Variants in SLC22A14 observed in about 807,000 individuals in gnomAD.
The protein encoded by SLC22A14 is organic cation transporter-like 4.
Under a neutral mutation model 53.9 loss-of-function variants are expected in SLC22A14, and 50 were observed. The ratio of observed to expected loss-of-function variants is 0.93; its 90% CI spans 0.74 to 1.17. SLC22A14 has a LOEUF of 1.17. Among genes scored for constraint, SLC22A14 ranks in the 50% most tolerant of loss-of-function variants. The probability of loss-of-function intolerance (pLI) is 0.00; values close to 1 mark genes in which losing one functional copy is unlikely to be tolerated. For missense variants in SLC22A14, 671 were observed against 734.7 expected, an observed-to-expected ratio of 0.91 and a Z score of 1.00; for synonymous variants, 312 against 303.0, an observed-to-expected ratio of 1.03 and a Z score of -0.31.
intron 1 of SLC22A14, among the ~76,000 whole-genome samples, chr3:38,301,537 G>A (rs552787516): frequency 5.9e-5 from 9 of 152,188 alleles, no homozygotes; most frequent in South Asian, 2.1e-4. Context: ...CACATTATAC[G>A]CAGCTACCTT....
At chr3:38,288,823 GTA>G (rs796512866) in intron 1 of SLC22A14, among the ~76,000 whole-genome samples, 65 of 152,092 alleles carry the variant, frequency 4.3e-4, no homozygotes, top group African/African-American at 1.5e-3. Flanking sequence ...ATTAAAAATG[GTA>G]TCTTTTAAAG....
At chr3:38,312,946 G>C in intron 5 of SLC22A14, 53 bp from the exon 6 acceptor site, 1 of 1,560,324 alleles carries the variant, frequency 6.4e-7, no homozygotes, top group African/African-American at 1.3e-5. Flanking sequence ...GGGCCAGCAG[G>C]GGGTCTCTGG....
At chr3:38,312,382 C>T (rs549227076) in intron 5 of SLC22A14, among the ~76,000 whole-genome samples, 1 of 152,320 alleles carries the variant, frequency 6.6e-6, no homozygotes, top group Admixed American at 6.5e-5. Context: ...TTATGCCAAT[C>T]TGTGTGGATT....
In SLC22A14 at chr3:38,307,477, G is replaced by A; in HGVS notation, c.621-89G>A. 1 of 1,576,532 alleles carries A rather than the reference G, an allele frequency of 6.3e-7. No homozygotes were observed. Among genetic ancestry groups the A allele is most frequent in the Non-Finnish European group, 8.7e-7 (1 of 1,149,678 alleles). ...GGTAGGGGTTCTCCAGGGACCCATG[G>A]ATGGCTCAGGGCCTGGCCCAGGTGT... On this transcript the variant is annotated intron_variant, in intron 3 of 10. Coordinates refer to ENST00000448498, the MANE Select transcript of SLC22A14 (RefSeq NM_001320033.2). The surrounding 1 kb of genome is among the most constrained non-coding windows in gnomAD (Gnocchi z 4.4).
At chr3:38,280,106 G>A (rs182595943), upstream of SLC22A14, among the ~76,000 whole-genome samples, 37 of 152,252 alleles carry the variant, frequency 2.4e-4, no homozygotes, top group African/African-American at 7.7e-4. Flanking sequence ...CACTCCCCCC[G>A]TACCTGCCCA....
chr3:38,299,487 T>G (rs6785726), intron 1 of SLC22A14, among the ~76,000 whole-genome samples: 9,779 of 152,324 alleles, frequency 0.064, 379 homozygotes, highest in East Asian at 0.16. Flanking sequence ...TTTTGCTTTC[T>G]TCACTTACCA....
upstream of SLC22A14, among the ~76,000 whole-genome samples, chr3:38,279,088 C>T (rs989236413): frequency 5.9e-5 from 9 of 152,256 alleles, no homozygotes; most frequent in South Asian, 4.1e-4. Context: ...CGGGGTTGGG[C>T]GTAGATGCTG....
At chr3:38,298,740 G>A (rs890644203) in intron 1 of SLC22A14, among the ~76,000 whole-genome samples, 2 of 152,118 alleles carry the variant, frequency 1.3e-5, no homozygotes, top group African/African-American at 2.4e-5. Flanking sequence ...TTTTTTAGTA[G>A]AGACAGGGTT....
rs200705301 is a variant in SLC22A14, at chr3:38,315,691, G to A, written c.1512G>A (p.Glu504=). 4 of 1,613,968 alleles carry A rather than the reference G, an allele frequency of 2.5e-6. No individual in the cohort carries two copies. Among genetic ancestry groups the A allele is most frequent in the African/African-American group, 1.3e-5 (1 of 75,054 alleles). ...CTGTGTTCTTCCTCTACACCGCTGA[G>A]CTCCTCCCCACTGTGCTCAGGTATG... ...TVTVFFLYTA[E]LLPTVLRATG... is the part of the protein sequence containing the mutation. Residue 504 remains glutamate, a synonymous_variant, in exon 9 of 11, where the codon GAG becomes GAA. Transcript: ENST00000448498.
intron 1 of SLC22A14, among the ~76,000 whole-genome samples, chr3:38,302,094 C>T (rs567002287): frequency 6.6e-6 from 1 of 150,482 alleles, no homozygotes; most frequent in Admixed American, 6.6e-5. Flanking sequence ...ATTAGCCAGG[C>T]GTGGTGGTGC....
At chr3:38,298,439 T>TA (rs954905464) in intron 1 of SLC22A14, among the ~76,000 whole-genome samples, 3 of 151,846 alleles carry the variant, frequency 2.0e-5, no homozygotes, top group Admixed American at 2.0e-4. Context: ...TCTATCTATC[T>TA]ATCTATCTAT....
At chr3:38,288,866 A>C (rs1200735979) in intron 1 of SLC22A14, among the ~76,000 whole-genome samples, 1 of 152,124 alleles carries the variant, frequency 6.6e-6, no homozygotes, top group East Asian at 1.9e-4. Context: ...TCTTAGTTTG[A>C]AATGATTTTA....
chr3:38,317,041 G>C (rs1386641500), intron 10 of SLC22A14, among the ~76,000 whole-genome samples: 1 of 152,252 alleles, frequency 6.6e-6, no homozygotes, highest in Non-Finnish European at 1.5e-5. Flanking sequence ...GGCACTTCCG[G>C]CCTCTGATCT....
intron 2 of SLC22A14, 46 bp downstream of exon 2, chr3:38,306,588 G>A (rs772222596): frequency 1.9e-6 from 3 of 1,542,014 alleles, no homozygotes; most frequent in Non-Finnish European, 2.7e-6. Context: ...CAGGCTCAGA[G>A]TTGTGCCTCC....
intron 1 of SLC22A14, among the ~76,000 whole-genome samples, chr3:38,298,667 G>T (rs747616339): frequency 6.6e-6 from 1 of 152,050 alleles, no homozygotes; most frequent in Non-Finnish European, 1.5e-5. Context: ...GCAATTCTCC[G>T]CCTCAGCCTC....
Position 38,307,723 on chromosome 3 carries a change from G to T in SLC22A14, c.775+3G>T, listed in dbSNP as rs201320372. The T allele has an allele frequency of 3.1e-4, 496 of 1,613,894 alleles. No homozygotes were observed. The highest frequency in any genetic ancestry group is 4.1e-4 in the Non-Finnish European group (481 of 1,179,970). Reference sequence around the variant, plus strand: ...CGCCATCAGCAGCATTTCTTTGGGTGAGACTGGGCCTCAATGGGGCAGGGC... The same window carrying T: ...CGCCATCAGCAGCATTTCTTTGGGTTAGACTGGGCCTCAATGGGGCAGGGC... On this transcript the variant is annotated splice_donor_region_variant and intron_variant, in intron 4 of 10. Coordinates refer to ENST00000448498, the MANE Select transcript of SLC22A14 (RefSeq NM_001320033.2). This position sits in a 1 kb window ranked among gnomAD's most constrained non-coding sequence, Gnocchi z 4.4.
chr3:38,314,075 C>A, intron 8 of SLC22A14, 134 bp downstream of exon 8: 1 of 669,868 alleles, frequency 1.5e-6, no homozygotes, highest in Non-Finnish European at 2.6e-6. Context: ...CCCACCCACC[C>A]CACAGAGGCC....
chr3:38,280,113 C>T (rs73825507), upstream of SLC22A14, among the ~76,000 whole-genome samples: 964 of 152,328 alleles, frequency 6.3e-3, 9 homozygotes, highest in African/African-American at 0.011. Context: ...CCCGTACCTG[C>T]CCATGTGATC....
chr3:38,305,115 C>G (rs1335011635), intron 1 of SLC22A14: 1 of 152,220 alleles, frequency 6.6e-6, no homozygotes, highest in Non-Finnish European at 1.5e-5. Context: ...GTTTTAAGTT[C>G]ATTTTCGTAA....
Sources: gnomAD v4.1 joint callset for allele counts (sites outside exome capture counted in the v4.1 genomes callset) on GRCh38, gnomAD v4.1.1 for gene constraint, Gnocchi (gnomAD v3.1) non-coding constraint, MANE v1.5 for transcripts, NCBI Gene and HGNC (gene_info 2026-07-23, HGNC 2026-07-21) for gene names.